The following NECTIN3 variants were observed in gnomAD, a reference collection of about 807,000 sequenced individuals.
The protein encoded by NECTIN3 is nectin-3.
A neutral mutation model predicts 49.4 loss-of-function variants in NECTIN3; 8 were observed. The observed-to-expected ratio is 0.16, with a 90% CI of 0.10 to 0.29. The LOEUF (loss-of-function observed/expected upper bound fraction) is 0.29, where lower values mean the gene tolerates loss of function less well. Among genes scored for constraint, NECTIN3 ranks in the 10% least tolerant of loss-of-function variants. The pLI, the probability that NECTIN3 is intolerant of heterozygous loss-of-function variation, is 1.00. For missense variants in NECTIN3, 581 were observed against 654.6 expected (o/e 0.89, Z 1.23); for synonymous variants, 277 against 241.1 (o/e 1.15, Z -1.38).
chr3:111,165,201 G>T (rs947091928), intron 7 of NECTIN3, among the ~76,000 whole-genome samples: 18 of 151,966 alleles, frequency 1.2e-4, no homozygotes, highest in Non-Finnish European at 2.5e-4. Flanking sequence ...CCGCCACCAT[G>T]CCCAGCTAAT....
In NECTIN3 at chr3:111,072,170, G is replaced by T. The variant is rs1357843369; in HGVS notation, c.153G>T (p.Arg51Ser). The T allele has an allele frequency of 1.0e-5, 16 of 1,555,360 alleles. No individual in the cohort carries two copies. In the South Asian group the frequency reaches 1.4e-4, roughly 14 times the overall value. Residue 51 changes from arginine (R) to serine (S), a missense_variant, in exon 1 of 6, where the codon AGG becomes AGT. Transcript: ENST00000485303. Reference sequence around the variant, plus strand: ...TCTTCCCGCTGCTGCTCTTCTCCAGGCTCTGTGGTAGGTGAACCTCGGCGG... The same window carrying T: ...TCTTCCCGCTGCTGCTCTTCTCCAGTCTCTGTGGTAGGTGAACCTCGGCGG... The part of the protein sequence containing the change: ...LLLFPLLLFS[R>S]LCGALAGPII...
At chr3:111,184,061 G>A (rs1279316209) in intron 7 of NECTIN3, among the ~76,000 whole-genome samples, 1 of 151,750 alleles carries the variant, frequency 6.6e-6, no homozygotes, top group African/African-American at 2.4e-5. Flanking sequence ...CTGTTCTTTT[G>A]TATTGATAGA....
upstream of NECTIN3, among the ~76,000 whole-genome samples, chr3:111,191,847 A>G (rs2107539437): frequency 6.6e-6 from 1 of 152,218 alleles, no homozygotes; most frequent in Non-Finnish European, 1.5e-5. Context: ...TTCCTTTTTG[A>G]AACCGAATCT....
chr3:111,125,334 C>T (rs1207639209), intron 4 of NECTIN3, among the ~76,000 whole-genome samples: 1 of 151,344 alleles, frequency 6.6e-6, no homozygotes, highest in Admixed American at 6.6e-5. Flanking sequence ...CGGCCTTATC[C>T]TCTTTAAAAA....
rs756277129 is a variant in NECTIN3 at position 111,112,351 on chromosome 3, C to T, written c.482C>T (p.Ser161Phe). 3.7e-6 allele frequency: 6 copies of T among 1,604,686 alleles called. No homozygotes were observed. In the Admixed American group the frequency reaches 1.0e-4, roughly 27 times the overall value. ...TTCCCGCTTGGAAATGCCCAGTCCTCTACAACTGTAACTGTGTTAGGTAGG... is the reference window on the plus strand; with the variant it reads ...TTCCCGCTTGGAAATGCCCAGTCCTTTACAACTGTAACTGTGTTAGGTAGG... ...VTFPLGNAQS[S>F]TTVTVLVEPT... Residue 161 changes from serine (S) to phenylalanine (F), a missense_variant, in exon 2 of 6, where the codon TCT (serine) becomes TTT (phenylalanine). Ser to Phe is a radical substitution (Grantham distance 155, BLOSUM62 -2). Transcript: ENST00000485303.
intron 5 of NECTIN3, among the ~76,000 whole-genome samples, chr3:111,143,046 A>G (rs764420042): frequency 9.2e-5 from 14 of 151,854 alleles, no homozygotes; most frequent in Non-Finnish European, 1.6e-4. Flanking sequence ...CTGGCCTACT[A>G]TTAAGGATTG....
upstream of NECTIN3, among the ~76,000 whole-genome samples, chr3:111,188,480 A>G (rs1187212949): frequency 6.6e-6 from 1 of 152,208 alleles, no homozygotes; most frequent in African/African-American, 2.4e-5. Flanking sequence ...TGTAGTGTCC[A>G]GGCACCATTT....
At chr3:111,177,486 T>G (rs1011624465) in intron 7 of NECTIN3, among the ~76,000 whole-genome samples, 2 of 152,212 alleles carry the variant, frequency 1.3e-5, no homozygotes, top group Non-Finnish European at 2.9e-5. Flanking sequence ...GCATAGCTTC[T>G]CTGAGAACAC....
rs548479199 is a variant in NECTIN3 at position 111,152,512 on chromosome 3, A to AT, written c.1221+5034dup. On this transcript the variant is annotated intron_variant, in intron 7 of 8. Transcript: ENST00000493615. ...CATCTTTTCAAGTGTTTAAAAAGCC[A>AT]TTTTTTCCTGCAAATTGTTATTCTT... Among the ~76,000 whole-genome samples, 921 of 151,808 alleles carry AT rather than the reference A, an allele frequency of 6.1e-3. 7 individuals are homozygous for AT. Among genetic ancestry groups the AT allele is most frequent in the African/African-American group, 0.021 (857 of 41,492 alleles).
chr3:111,077,302 A>G (rs1354353999), intron 1 of NECTIN3: 2 of 292,504 alleles, frequency 6.8e-6, no homozygotes, highest in East Asian at 1.7e-4. Flanking sequence ...ATAAACTGGA[A>G]TGTGAGCCAT....
chr3:111,104,184 C>T (rs1175115103), intron 1 of NECTIN3, among the ~76,000 whole-genome samples: 1 of 152,002 alleles, frequency 6.6e-6, no homozygotes, highest in Non-Finnish European at 1.5e-5. Context: ...TATTGTCAGC[C>T]CATTTGATTT....
chr3:111,188,800 G>T (rs1007325284), upstream of NECTIN3, among the ~76,000 whole-genome samples: 2 of 152,160 alleles, frequency 1.3e-5, no homozygotes, highest in African/African-American at 4.8e-5. Flanking sequence ...TCTTAACCCA[G>T]GGTGTTCAGC....
rs74718026 is a variant in NECTIN3, at chr3:111,077,698, A to G, written c.160+5521A>G. Among the ~76,000 whole-genome samples, 6,399 of 152,216 alleles carry G rather than the reference A, an allele frequency of 0.042. 718 individuals carry two copies. In the East Asian group the frequency reaches 0.45, roughly 11 times the overall value. On this transcript the variant is annotated intron_variant, in intron 1 of 5. Transcript: ENST00000485303. ...ATTCTTTTTTCTCTTGACAAGTGCT[A>G]TTTATTATAGCATTTTCATTTATGA...
rs146834739 is a variant in NECTIN3, at chr3:111,129,432, A to G, written c.1069+3097A>G. Among the ~76,000 whole-genome samples the G allele has an allele frequency of 1.6e-3, 239 of 152,222 alleles. 1 individual carries two copies. Among genetic ancestry groups the G allele is most frequent in the African/African-American group, 5.6e-3 (234 of 41,536 alleles). On this transcript the variant is annotated intron_variant, in intron 5 of 5. Transcript: ENST00000485303. Reference sequence around the variant, plus strand: ...CATAAAGCCTGCTTTAATTACTGCTATATTTCCATTATCTACAATGATGTT... The same window carrying G: ...CATAAAGCCTGCTTTAATTACTGCTGTATTTCCATTATCTACAATGATGTT...
intron 1 of NECTIN3, among the ~76,000 whole-genome samples, chr3:111,086,378 A>AT (rs1195475477): frequency 6.6e-6 from 1 of 151,836 alleles, no homozygotes; most frequent in African/African-American, 2.4e-5. Context: ...CCATCATGAA[A>AT]TTTTTTCCCG....
chr3:111,126,436 A>G, intron 5 of NECTIN3, 101 bp downstream of exon 5: 1 of 1,010,300 alleles, frequency 9.9e-7, no homozygotes, highest in Non-Finnish European at 1.4e-6. Flanking sequence ...GTAAAGATAC[A>G]GATTCCTCAG....
At chr3:111,109,213 A>G (rs577336863) in intron 1 of NECTIN3, among the ~76,000 whole-genome samples, 21 of 152,174 alleles carry the variant, frequency 1.4e-4, no homozygotes, top group Non-Finnish European at 2.5e-4. Context: ...TTTAAACCTA[A>G]TTATCATGCA....
chr3:111,173,922 C>A (rs920090370), intron 7 of NECTIN3, among the ~76,000 whole-genome samples: 2 of 152,050 alleles, frequency 1.3e-5, no homozygotes, highest in Non-Finnish European at 2.9e-5. Context: ...CCTGGATTCC[C>A]CTGGGCTTTG....
At chr3:111,076,392 G>C (rs1022989017) in intron 1 of NECTIN3, among the ~76,000 whole-genome samples, 6 of 151,936 alleles carry the variant, frequency 3.9e-5, no homozygotes, top group Middle Eastern at 3.2e-3. Context: ...AGCACTACAT[G>C]GTTTGCAGAT....
Sources: allele counts gnomAD v4.1 joint callset (sites outside exome capture counted in the v4.1 genomes callset), GRCh38; gene constraint gnomAD v4.1.1; transcripts MANE v1.5; gene names NCBI Gene and HGNC (gene_info 2026-07-23, HGNC 2026-07-21).